STRN: variants seen among roughly 807,000 people sequenced by gnomAD.
The protein encoded by STRN is protein phosphatase 2 regulatory subunit B'''alpha.
STRN carries 53 observed loss-of-function variants against 96.3 expected under a neutral mutation model. The ratio of observed to expected loss-of-function variants is 0.55; its 90% CI spans 0.44 to 0.69. STRN has a LOEUF of 0.69. STRN is among the 30% of genes least tolerant of loss of function. The pLI is 0.00. For missense variants in STRN, 987 were observed against 963.9 expected (o/e 1.02, Z -0.32); for synonymous variants, 428 against 355.9 (o/e 1.20, Z -2.28).
At chr2:36,946,699 T>C (rs1002131634) in intron 1 of STRN, among the ~76,000 whole-genome samples, 1 of 152,214 alleles carries the variant, frequency 6.6e-6, no homozygotes, top group African/African-American at 2.4e-5. Context: ...ATCCTGTGTT[T>C]TTGTATATAC....
chr2:36,941,349 C>T (rs1005735545), intron 1 of STRN, among the ~76,000 whole-genome samples: 6 of 152,126 alleles, frequency 3.9e-5, no homozygotes, highest in Admixed American at 6.5e-5. Context: ...TTGGAAAATA[C>T]AACCCAAGAA....
intron 2 of STRN, among the ~76,000 whole-genome samples, chr2:36,919,789 A>C (rs903453981): frequency 1.3e-5 from 2 of 152,182 alleles, no homozygotes; most frequent in African/African-American, 2.4e-5. Flanking sequence ...AAATTTTAAA[A>C]ATGGCAGAAA....
intron 1 of STRN, among the ~76,000 whole-genome samples, chr2:36,928,665 C>T (rs1000553219): frequency 8.6e-6 from 1 of 116,272 alleles, no homozygotes. Context: ...AAAAAAAAGG[C>T]AGGGCGCAGT....
At chr2:36,890,522 C>T (rs1157726410) in intron 7 of STRN, among the ~76,000 whole-genome samples, 6 of 127,870 alleles carry the variant, frequency 4.7e-5, no homozygotes, top group South Asian at 2.4e-4. Flanking sequence ...CTCGCTCTGT[C>T]GCCCAGGCTG....
At chr2:36,956,153 G>A (rs1048329597) in intron 1 of STRN, among the ~76,000 whole-genome samples, 3 of 152,122 alleles carry the variant, frequency 2.0e-5, no homozygotes, top group African/African-American at 7.2e-5. Flanking sequence ...ATGATAAACG[G>A]ATCACTGAAA....
In STRN at chr2:36,845,618, T is replaced by A. The variant is rs1206978860; in HGVS notation, c.*3838A>T. On this transcript the variant is annotated 3_prime_UTR_variant, in exon 18 of 18. Coordinates refer to ENST00000263918, the MANE Select transcript of STRN (RefSeq NM_003162.4). ...ATTAAAAAGTGAGCCTTTAAAAAAT[T>A]ACATTTACTTAGCCAACATTAATGA... is the stretch of plus-strand genomic sequence containing the variant. The A allele has an allele frequency of 6.6e-6, 1 of 152,148 alleles. No individual in the cohort carries two copies. The highest frequency in any genetic ancestry group is 2.4e-5 in the African/African-American group (1 of 41,438). The allele number at this position is 152,148 out of a possible 1,614,324, so 9.4% of individuals were successfully genotyped here.
chr2:36,937,032 A>G (rs1219825470), intron 1 of STRN, among the ~76,000 whole-genome samples: 2 of 152,294 alleles, frequency 1.3e-5, no homozygotes, highest in East Asian at 3.9e-4. Flanking sequence ...TGCGGAAGAG[A>G]TAAATAAGCT....
chr2:36,869,772 G>C, intron 10 of STRN, 43 bp from the exon 11 acceptor site: 1 of 1,413,368 alleles, frequency 7.1e-7, no homozygotes, highest in East Asian at 2.6e-5. Flanking sequence ...ACTTAGTTAA[G>C]GATAGGGGAA....
chr2:36,961,115 CTTTTTTT>C (rs551915869), intron 1 of STRN, among the ~76,000 whole-genome samples: 9 of 60,322 alleles, frequency 1.5e-4, no homozygotes, highest in East Asian at 3.9e-4. Context: ...CCAGGCTGCA[CTTTTTTT>C]TTTTTTTTTT....
At position 36,903,601 on chromosome 2, in the gene STRN, C is replaced by T. The variant is rs530621978; in HGVS notation, c.492-850G>A. ...CGGACATTAACTTATAAGTAGGCAC[C>T]GAGTCTACTGGATGAAAGAAGAAAA... On this transcript the variant is annotated intron_variant, in intron 4 of 17. Transcript: ENST00000263918. 5.0e-4 allele frequency among the ~76,000 whole-genome samples: 76 copies of T among 152,152 alleles called. 1 individual carries two copies. Among genetic ancestry groups the T allele is most frequent in the African/African-American group, 1.6e-3 (66 of 41,522 alleles).
chr2:36,911,855 C>T (rs797020332), intron 3 of STRN, among the ~76,000 whole-genome samples: 1 of 152,190 alleles, frequency 6.6e-6, no homozygotes, highest in Non-Finnish European at 1.5e-5. Flanking sequence ...TGATCACACA[C>T]CTCAACTGGA....
At chr2:36,850,975 A>AAATC in intron 16 of STRN, 25 bp downstream of exon 16, 1 of 1,543,914 alleles carries the variant, frequency 6.5e-7, no homozygotes, top group Non-Finnish European at 8.7e-7. Context: ...GCTTTAATAA[A>AAATC]AATCAATTCT....
intron 1 of STRN, among the ~76,000 whole-genome samples, chr2:36,964,028 T>C (rs1159928897): frequency 1.3e-5 from 2 of 151,448 alleles, no homozygotes; most frequent in Non-Finnish European, 2.9e-5. Flanking sequence ...TTTAATATGA[T>C]AAGCACCCAT....
intron 13 of STRN, among the ~76,000 whole-genome samples, chr2:36,859,109 G>T (rs1303905907): frequency 6.6e-6 from 1 of 152,188 alleles, no homozygotes; most frequent in Admixed American, 6.5e-5. Flanking sequence ...TGGGATGAGG[G>T]CATCTAGTTT....
chr2:36,854,284 T>A (rs1668291425), intron 15 of STRN, among the ~76,000 whole-genome samples: 2 of 152,236 alleles, frequency 1.3e-5, no homozygotes, highest in African/African-American at 4.8e-5. Flanking sequence ...TGTAATTTCT[T>A]GCTGAAAAAA....
intron 8 of STRN, among the ~76,000 whole-genome samples, chr2:36,885,975 G>A (rs1198694334): frequency 2.6e-5 from 4 of 152,022 alleles, no homozygotes. Context: ...TTCAGGAATG[G>A]TTTGTAAGGT....
chr2:36,925,003 C>G, intron 2 of STRN, 102 bp downstream of exon 2: 1 of 1,044,074 alleles, frequency 9.6e-7, no homozygotes, highest in Non-Finnish European at 1.5e-6. Context: ...TCGCGGTGAG[C>G]CAAGATCGTA....
At chr2:36,934,057 A>C (rs1251295413) in intron 1 of STRN, among the ~76,000 whole-genome samples, 2 of 152,080 alleles carry the variant, frequency 1.3e-5, no homozygotes, top group Admixed American at 1.3e-4. Context: ...TGCAGTGAGC[A>C]GAGATCACGC....
chr2:36,899,314 TCAAA>T (rs1223326503), intron 6 of STRN, among the ~76,000 whole-genome samples: 1 of 152,136 alleles, frequency 6.6e-6, no homozygotes, highest in Non-Finnish European at 1.5e-5. Flanking sequence ...GAACAAAAAG[TCAAA>T]CAGTGAGGAA....
Sources: gnomAD v4.1 joint callset for allele counts (sites outside exome capture counted in the v4.1 genomes callset) on GRCh38, gnomAD v4.1.1 for gene constraint, MANE v1.5 for transcripts, NCBI Gene and HGNC (gene_info 2026-07-23, HGNC 2026-07-21) for gene names.